Variants in RBM14 observed in about 807,000 individuals in gnomAD.
RBM14 encodes the protein RNA-binding protein 14.
A neutral mutation model predicts 52.8 loss-of-function variants in RBM14; 5 were observed. The observed-to-expected ratio is 0.09, with a 90% CI of 0.05 to 0.20. The LOEUF (loss-of-function observed/expected upper bound fraction) is 0.20. Ranked by LOEUF, RBM14 falls within the 10% of genes least tolerant of loss-of-function variation. RBM14 has a pLI of 1.00. For missense variants in RBM14, 780 were observed against 926.6 expected (o/e 0.84, Z 2.05); for synonymous variants, 411 against 401.8 (o/e 1.02, Z -0.28).
intron 1 of RBM14, among the ~76,000 whole-genome samples, chr11:66,617,834 A>G (rs371324301): frequency 6.6e-6 from 1 of 152,080 alleles, no homozygotes; most frequent in Non-Finnish European, 1.5e-5. Context: ...TAGTCTTTAC[A>G]TGCCAAGCCA....
At position 66,626,817 on chromosome 11, in the gene RBM14, C is replaced by G. The variant is rs1937838443; in HGVS notation, c.*149C>G. The stretch of plus-strand genomic sequence containing the variant: ...ATGTGGGCCTTCCCCAGGAGATGAT[C>G]CTGTTAAGTGTTCGGCAGTAACCTA... On this transcript the variant is annotated 3_prime_UTR_variant, in exon 3 of 3. Transcript: ENST00000310137. The G allele has an allele frequency of 2.6e-6, 2 of 773,434 alleles. No individual in the cohort carries two copies. Among genetic ancestry groups the G allele is most frequent in the Non-Finnish European group, 4.0e-6 (2 of 495,550 alleles). 47.9% of individuals were successfully genotyped at this position (773,434 alleles called of 1,614,324 possible). A position where few individuals can be genotyped will look rare whatever the true frequency, so the allele number is the denominator to read the frequency against.
chr11:66,621,639 A>G (rs1452542338), intron 1 of RBM14, among the ~76,000 whole-genome samples: 1 of 151,994 alleles, frequency 6.6e-6, no homozygotes, highest in Non-Finnish European at 1.5e-5. Flanking sequence ...GGCCTCCCCA[A>G]AGTGCTGGGA....
chr11:66,617,523 C>T (rs1858894365), intron 1 of RBM14: 37 of 993,310 alleles, frequency 3.7e-5, no homozygotes, highest in Non-Finnish European at 4.4e-5. Context: ...CCTCCTGTTC[C>T]CTCCCGATGA....
rs1314129761 is a variant in RBM14, at chr11:66,628,040, G to A, written c.*1372G>A. Among the ~76,000 whole-genome samples the A allele has an allele frequency of 8.5e-5, 13 of 152,164 alleles. No individual in the cohort carries two copies. Among genetic ancestry groups the A allele is most frequent in the South Asian group, 6.2e-4 (3 of 4,814 alleles). ...TGTTAGGGTTTTCAGATGTCCTCTC[G>A]CTGGGTTTATATTTGAAGGTATAGA... On this transcript the variant is annotated 3_prime_UTR_variant, in exon 3 of 3. Coordinates refer to ENST00000310137, the MANE Select transcript of RBM14 (RefSeq NM_006328.4).
In RBM14 at chr11:66,624,499, C is replaced by A; in HGVS notation, c.623C>A (p.Pro208His). ...GGGCAAGCCCGTCAGCCCACACCAC[C>A]CTTCTTTGGTCGCGACCGCAGCCCT... is the stretch of plus-strand genomic sequence containing the variant. ...FDGQARQPTP[P>H]FFGRDRSPLR... The change falls in exon 2 of 3, where the codon CCC becomes CAC. Residue 208 changes from proline (P) to histidine (H), a missense_variant. Physicochemically the swap from Pro to His is moderately conservative, Grantham distance 77. Transcript: ENST00000310137. The surrounding 1 kb of genome is among the most constrained non-coding windows in gnomAD (Gnocchi z 4.7). 1 of 1,612,986 alleles carries A rather than the reference C, an allele frequency of 6.2e-7. No individual in the cohort carries two copies. The highest frequency in any genetic ancestry group is 8.5e-7 in the Non-Finnish European group (1 of 1,179,070).
rs1017658592 is a variant in RBM14 at position 66,627,889 on chromosome 11, C to G, written c.*1221C>G. On this transcript the variant is annotated 3_prime_UTR_variant, in exon 3 of 3. Transcript: ENST00000310137. ...AAGGAAGGGCAGAGAAAACTTGAAG[C>G]AGGTATGGGGCATTCTGGCCATAGA... 1.3e-5 allele frequency among the ~76,000 whole-genome samples: 2 copies of G among 152,104 alleles called. No individual in the cohort carries two copies. Among genetic ancestry groups the G allele is most frequent in the Admixed American group, 1.3e-4 (2 of 15,260 alleles).
In RBM14 at chr11:66,629,774, G is replaced by C. The variant is rs983272188; in HGVS notation, c.*3106G>C. ...ATGTCTAGATTTAAATCATGTATCT[G>C]TCTGTAGTGCTTCAAATGTGGCCAG... On this transcript the variant is annotated 3_prime_UTR_variant, in exon 3 of 3. Transcript: ENST00000310137. Among the ~76,000 whole-genome samples the C allele has an allele frequency of 6.6e-6, 1 of 152,098 alleles. No individual in the cohort carries two copies. Among genetic ancestry groups the C allele is most frequent in the African/African-American group, 2.4e-5 (1 of 41,412 alleles).
chr11:66,625,560 T>A lies in RBM14; in HGVS notation c.1684T>A (p.Ser562Thr). 6.2e-7 allele frequency: 1 copy of A among 1,611,800 alleles called. No individual in the cohort carries two copies. Among genetic ancestry groups the A allele is most frequent in the Non-Finnish European group, 8.5e-7 (1 of 1,179,714 alleles). Residue 562 changes from serine to threonine, a missense_variant, in exon 2 of 3, where the codon TCC (serine) becomes ACC (threonine). Ser to Thr is a moderately conservative substitution (Grantham distance 58). Coordinates refer to ENST00000310137, the MANE Select transcript of RBM14 (RefSeq NM_006328.4). The surrounding 1 kb of genome is among the most constrained non-coding windows in gnomAD (Gnocchi z 4.2). ...GCCGTCTGCAGCCTACCTGTCCATG[T>A]CCCAGGGGGCCGTTGCCAACGCCAA... ...GQPSAAYLSM[S>T]QGAVANANST...
chr11:66,619,856 G>A (rs559061340), intron 1 of RBM14, among the ~76,000 whole-genome samples: 3 of 152,236 alleles, frequency 2.0e-5, no homozygotes, highest in Non-Finnish European at 2.9e-5. Context: ...GCAAGCCACC[G>A]CGCCTAGCCC....
chr11:66,618,475 A>G (rs1858949899), intron 1 of RBM14: 2 of 717,290 alleles, frequency 2.8e-6, no homozygotes, highest in Non-Finnish European at 5.2e-6. Flanking sequence ...TTAATACTGC[A>G]TTCTATTTTC....
chr11:66,617,692 C>T (rs536971847), intron 1 of RBM14: 19 of 442,648 alleles, frequency 4.3e-5, no homozygotes, highest in African/African-American at 4.1e-4. Context: ...GTAGGTTAGG[C>T]GTGGCAGCTC....
At chr11:66,619,801 T>C (rs543561757) in intron 1 of RBM14, among the ~76,000 whole-genome samples, 1 of 152,120 alleles carries the variant, frequency 6.6e-6, no homozygotes, top group Non-Finnish European at 1.5e-5. Flanking sequence ...CTCCTGACCT[T>C]GTGATCCGCC....
At chr11:66,623,092 G>T (rs1471160748) in intron 1 of RBM14, among the ~76,000 whole-genome samples, 1 of 152,118 alleles carries the variant, frequency 6.6e-6, no homozygotes, top group Non-Finnish European at 1.5e-5. Flanking sequence ...GCTTATTCAG[G>T]TCATAATGAG....
rs1216681499 is a variant in RBM14, at chr11:66,624,054, T to C, written c.338-160T>C. The C allele has an allele frequency of 4.7e-5, 57 of 1,215,092 alleles. 1 individual carries two copies. The South Asian group carries it at 6.8e-4, about 15-fold the overall frequency. The allele number at this position is 1,215,092 out of a possible 1,614,324, so 75.3% of individuals were successfully genotyped here. ...CTTGGGACAGTCAGAAGCTTTGTTA[T>C]ATGGGAGCTACATTTTATGACATAC... On this transcript the variant is annotated intron_variant, in intron 1 of 2. Coordinates refer to ENST00000310137, the MANE Select transcript of RBM14 (RefSeq NM_006328.4). This position sits in a 1 kb window ranked among gnomAD's most constrained non-coding sequence, Gnocchi z 4.7.
chr11:66,626,805 C>G lies in RBM14; in HGVS notation c.*137C>G. The stretch of plus-strand genomic sequence containing the variant: ...ATGCCCTCTACCATGTGGGCCTTCC[C>G]CAGGAGATGATCCTGTTAAGTGTTC... On this transcript the variant is annotated 3_prime_UTR_variant, in exon 3 of 3. Transcript: ENST00000310137. The G allele has an allele frequency of 1.2e-5, 10 of 830,270 alleles. No individual in the cohort carries two copies. Among genetic ancestry groups the G allele is most frequent in the Non-Finnish European group, 1.8e-5 (10 of 546,610 alleles). The allele number at this position is 830,270 out of a possible 1,614,324, so 51.4% of individuals were successfully genotyped here. A position where few individuals can be genotyped will look rare whatever the true frequency, so the allele number is the denominator to read the frequency against.
intron 2 of RBM14, 22 bp from the exon 3 acceptor site, chr11:66,626,439 A>C (rs760221827): frequency 3.2e-5 from 51 of 1,599,782 alleles, no homozygotes; most frequent in Non-Finnish European, 4.2e-5. Flanking sequence ...TCATTCACCA[A>C]CTGTCTTCTT....
intron 1 of RBM14, among the ~76,000 whole-genome samples, chr11:66,617,794 A>T (rs1858909361): frequency 6.6e-6 from 1 of 152,236 alleles, no homozygotes; most frequent in Non-Finnish European, 1.5e-5. Flanking sequence ...CATGTGCAAG[A>T]AAGCTTGTTT....
chr11:66,628,277 T>A lies in RBM14; in HGVS notation c.*1609T>A, dbSNP rs933796555. Among the ~76,000 whole-genome samples the A allele has an allele frequency of 1.3e-5, 2 of 152,156 alleles. No individual in the cohort carries two copies. The highest frequency in any genetic ancestry group is 4.8e-5 in the African/African-American group (2 of 41,442). ...GTGGGATGATAATGGGAGAACTTAC[T>A]GATGCTCTTTTGGGAAAAGGTGCTT... On this transcript the variant is annotated 3_prime_UTR_variant, in exon 3 of 3. Transcript: ENST00000310137.
rs1937708828 is a variant in RBM14, at chr11:66,624,762, T to G, written c.886T>G (p.Ser296Ala). ...RGQLASPSSQ[S>A]AAASSLGPYG... ...CCAGCTGGCTAGTCCTAGCTCCCAG[T>G]CTGCTGCAGCTTCTTCACTCGGCCC... Residue 296 changes from serine (S) to alanine (A), a missense_variant, in exon 2 of 3, where the codon TCT becomes GCT. Physicochemically the swap from Ser to Ala is moderately conservative, Grantham distance 99. This residue lies in a region of RBM14 where 675 missense variants were observed against 697.3 expected (regional missense o/e 0.97). Transcript: ENST00000310137. This position sits in a 1 kb window ranked among gnomAD's most constrained non-coding sequence, Gnocchi z 4.7. The G allele has an allele frequency of 9.3e-6, 15 of 1,613,948 alleles. No homozygotes were observed. In the Admixed American group the frequency reaches 1.2e-4, roughly 13 times the overall value.
Sources: gnomAD v4.1 joint callset for allele counts (sites outside exome capture counted in the v4.1 genomes callset) on GRCh38, gnomAD v4.1.1 for gene constraint, gnomAD v4.1.1 regional missense constraint, Gnocchi (gnomAD v3.1) non-coding constraint, MANE v1.5 for transcripts, NCBI Gene and HGNC (gene_info 2026-07-23, HGNC 2026-07-21) for gene names.